The following VAX1 variants were observed in gnomAD, a reference collection of about 807,000 sequenced individuals.
VAX1 encodes ventral anterior homeobox 1.
Under a neutral mutation model 17.6 loss-of-function variants are expected in VAX1, and 6 were observed. That is an observed-to-expected ratio of 0.34 (90% CI 0.19 to 0.67). The LOEUF is 0.67. VAX1 is among the 30% of genes least tolerant of loss of function. The pLI is 0.69. For missense variants in VAX1, 408 were observed against 463.7 expected (o/e 0.88, Z 1.10); for synonymous variants, 256 against 227.4 (o/e 1.13, Z -1.13).
In VAX1 at chr10:117,137,767, C is replaced by G; in HGVS notation, c.241+49G>C. 1 of 1,607,388 alleles carries G rather than the reference C, an allele frequency of 6.2e-7. No homozygotes were observed. Among genetic ancestry groups the G allele is most frequent in the Non-Finnish European group, 8.5e-7 (1 of 1,179,544 alleles). On this transcript the variant is annotated intron_variant, in intron 1 of 2. Transcript: ENST00000369206. The surrounding 1 kb of genome is among the most constrained non-coding windows in gnomAD (Gnocchi z 7.4). ...GTCGGCGGCAGCGCGCAGCTCCGGC[C>G]CCGGAGTCGACCCCAAAGAACGCGC...
In VAX1 at chr10:117,133,841, C is replaced by T. The variant is rs903057426; in HGVS notation, c.*167G>A. ...AAAGGTAGTAGAAAAAAAAAATAGC[C>T]CGAATGAGATGAAATTGGTAGCAGA... On this transcript the variant is annotated 3_prime_UTR_variant, in exon 3 of 3. Coordinates refer to ENST00000369206, the MANE Select transcript of VAX1 (RefSeq NM_001112704.2). The T allele has an allele frequency of 1.4e-5, 19 of 1,332,028 alleles. No homozygotes were observed. In the South Asian group the frequency reaches 2.2e-4, roughly 15 times the overall value. The allele number at this position is 1,332,028 out of a possible 1,614,324, so 82.5% of individuals were successfully genotyped here. A position where few individuals can be genotyped will look rare whatever the true frequency, so the allele number is the denominator to read the frequency against.
At chr10:117,133,088 G>A (rs1006956979), downstream of VAX1, among the ~76,000 whole-genome samples, 5 of 152,204 alleles carry the variant, frequency 3.3e-5, no homozygotes, top group Admixed American at 3.3e-4. Context: ...GCCCCGAACA[G>A]GCTCGGAGAA....
chr10:117,132,102 G>A (rs996644330), downstream of VAX1: 2 of 1,174,356 alleles, frequency 1.7e-6, no homozygotes, highest in African/African-American at 1.6e-5. The surrounding 1 kb of genome is among the most constrained non-coding windows in gnomAD (Gnocchi z 4.9). Flanking sequence ...AAACACTCAA[G>A]GAAGTGGAAC....
rs780407103 is a variant in VAX1, at chr10:117,136,699, C to G, written c.242-40G>C. On this transcript the variant is annotated intron_variant, in intron 1 of 2. Transcript: ENST00000369206. This position sits in a 1 kb window ranked among gnomAD's most constrained non-coding sequence, Gnocchi z 5.0. ...ATGTCAGCCGCCAGAACCCTCCCGT[C>G]CCCCTCCACCTCCTTGGCCCGAGCT... is the stretch of plus-strand genomic sequence containing the variant. 1.1e-5 allele frequency: 18 copies of G among 1,583,026 alleles called. No individual in the cohort carries two copies. The African/African-American group carries it at 2.0e-4, about 18-fold the overall frequency.
In VAX1 at chr10:117,137,772, A is replaced by G; in HGVS notation, c.241+44T>C. The G allele has an allele frequency of 6.2e-7, 1 of 1,607,666 alleles. No individual in the cohort carries two copies. The highest frequency in any genetic ancestry group is 8.5e-7 in the Non-Finnish European group (1 of 1,179,404). On this transcript the variant is annotated intron_variant, in intron 1 of 2. Coordinates refer to ENST00000369206, the MANE Select transcript of VAX1 (RefSeq NM_001112704.2). This position sits in a 1 kb window ranked among gnomAD's most constrained non-coding sequence, Gnocchi z 7.4. ...CGGCAGCGCGCAGCTCCGGCCCCGG[A>G]GTCGACCCCAAAGAACGCGCCTGGC...
At chr10:117,128,829 G>A (rs1854048484), downstream of VAX1, 4 of 152,184 alleles carry the variant, frequency 2.6e-5, no homozygotes, top group Admixed American at 2.0e-4. Context: ...CAAACCTGAA[G>A]GGCTCTCCTC....
chr10:117,134,313 G>A lies in VAX1; in HGVS notation c.700C>T (p.Pro234Ser). ...GGGGATGCAGCGCCCGCTGGGCCCGGGGCGGCGGCGGCGGCTGCGGCGGCC... is the reference window on the plus strand; with the variant it reads ...GGGGATGCAGCGCCCGCTGGGCCCGAGGCGGCGGCGGCGGCTGCGGCGGCC... ...GSAAAAAAAA[P>S]GPAGAASPHP... Residue 234 changes from proline to serine, a missense_variant, in exon 3 of 3, where the codon CCG (proline) becomes TCG (serine). Transcript: ENST00000369206. This position sits in a 1 kb window ranked among gnomAD's most constrained non-coding sequence, Gnocchi z 6.2. 1 of 1,071,514 alleles carries A rather than the reference G, an allele frequency of 9.3e-7. No individual in the cohort carries two copies. The highest frequency in any genetic ancestry group is 1.1e-6 in the Non-Finnish European group (1 of 887,634). 66.4% of individuals were successfully genotyped at this position (1,071,514 alleles called of 1,614,324 possible).
downstream of VAX1, chr10:117,130,369 T>C (rs1298681516): frequency 6.6e-6 from 1 of 152,400 alleles, no homozygotes; most frequent in East Asian, 1.9e-4. Flanking sequence ...GCTCTCCAAG[T>C]GACTTCCCAC....
chr10:117,136,572 T>C lies in VAX1; in HGVS notation c.329A>G (p.Glu110Gly). ...CTCCATCTCCAGCCGATAGAGCTGC[T>C]CCGCGGTGAAGGACGTGCGCGTCCT... ...PKRTRTSFTA[E>G]QLYRLEMEFQ... is the part of the protein sequence containing the mutation. The change falls in exon 2 of 3, where the codon GAG becomes GGG. Residue 110 changes from glutamate (E) to glycine (G), a missense_variant. Around this residue, in one of 4 missense-constraint regions of VAX1, gnomAD observed 75 missense variants for 116.1 expected, o/e 0.65. Transcript: ENST00000369206. The surrounding 1 kb of genome is among the most constrained non-coding windows in gnomAD (Gnocchi z 5.0). 1 of 1,613,824 alleles carries C rather than the reference T, an allele frequency of 6.2e-7. No individual in the cohort carries two copies. The highest frequency in any genetic ancestry group is 8.5e-7 in the Non-Finnish European group (1 of 1,180,018).
At chr10:117,131,186 TGGA>T (rs1854078300), downstream of VAX1, 1 of 150,764 alleles carries the variant, frequency 6.6e-6, no homozygotes, top group Non-Finnish European at 1.5e-5. Context: ...GAAGAAGTAA[TGGA>T]GGAGGGAGAC....
chr10:117,132,117 C>A (rs1434395468), downstream of VAX1: 6 of 1,318,838 alleles, frequency 4.5e-6, no homozygotes, highest in African/African-American at 7.4e-5. The surrounding 1 kb of genome is among the most constrained non-coding windows in gnomAD (Gnocchi z 4.9). Context: ...TGGAACAAAT[C>A]GTCGTAGCCA....
At chr10:117,131,962 C>A (rs961478376), downstream of VAX1, 2 of 448,144 alleles carry the variant, frequency 4.5e-6, no homozygotes, top group Non-Finnish European at 7.8e-6. Flanking sequence ...AGAAACCTAG[C>A]ATTAGGAGGC....
In VAX1 at chr10:117,134,290, G is replaced by T; in HGVS notation, c.723C>A (p.Ser241=). ...CACCGCCCACAGCCGGCGGGTGCGG[G>T]GATGCAGCGCCCGCTGGGCCCGGGG... is the stretch of plus-strand genomic sequence containing the variant. ...AAAPGPAGAA[S]PHPPAVGGAP... The change falls in exon 3 of 3, where the codon TCC becomes TCA. Residue 241 remains serine, a synonymous_variant. Transcript: ENST00000369206. The surrounding 1 kb of genome is among the most constrained non-coding windows in gnomAD (Gnocchi z 6.2). 8.4e-7 allele frequency: 1 copy of T among 1,196,452 alleles called. No homozygotes were observed. The highest frequency in any genetic ancestry group is 1.6e-5 in the African/African-American group (1 of 62,706). The allele number at this position is 1,196,452 out of a possible 1,614,324, so 74.1% of individuals were successfully genotyped here.
chr10:117,134,291 G>A lies in VAX1; in HGVS notation c.722C>T (p.Ser241Phe). 4.2e-6 allele frequency: 5 copies of A among 1,194,066 alleles called. No homozygotes were observed. Among genetic ancestry groups the A allele is most frequent in the Non-Finnish European group, 5.2e-6 (5 of 965,080 alleles). The allele number at this position is 1,194,066 out of a possible 1,614,324, so 74.0% of individuals were successfully genotyped here. A position where few individuals can be genotyped will look rare whatever the true frequency, so the allele number is the denominator to read the frequency against. Residue 241 changes from serine (S) to phenylalanine (F), a missense_variant, in exon 3 of 3, where the codon TCC becomes TTC. Coordinates refer to ENST00000369206, the MANE Select transcript of VAX1 (RefSeq NM_001112704.2). The surrounding 1 kb of genome is among the most constrained non-coding windows in gnomAD (Gnocchi z 6.2). ...ACCGCCCACAGCCGGCGGGTGCGGG[G>A]ATGCAGCGCCCGCTGGGCCCGGGGC... is the stretch of plus-strand genomic sequence containing the variant. The part of the protein sequence containing the change: ...AAAPGPAGAA[S>F]PHPPAVGGAP...
rs765382464 is a variant in VAX1, at chr10:117,133,409, A to G, written c.*599T>C. 8.8e-5 allele frequency: 87 copies of G among 985,366 alleles called. No homozygotes were observed. Among genetic ancestry groups the G allele is most frequent in the Non-Finnish European group, 1.0e-4 (85 of 830,046 alleles). The allele number at this position is 985,366 out of a possible 1,614,324, so 61.0% of individuals were successfully genotyped here. A position where few individuals can be genotyped will look rare whatever the true frequency, so the allele number is the denominator to read the frequency against. On this transcript the variant is annotated 3_prime_UTR_variant, in exon 3 of 3. Coordinates refer to ENST00000369206, the MANE Select transcript of VAX1 (RefSeq NM_001112704.2). The stretch of plus-strand genomic sequence containing the variant: ...GGGTGGTTGTGATTGGAGTTGCCCT[A>G]AAGGGGAGAAAAACCGCAGGATTTG...
At position 117,134,180 on chromosome 10, in the gene VAX1, G is replaced by T. The variant is rs1203315887; in HGVS notation, c.833C>A (p.Pro278His). The change falls in exon 3 of 3, where the codon CCC becomes CAC. Residue 278 changes from proline (P) to histidine (H), a missense_variant. This residue lies in a region of VAX1 where 196 missense variants were observed against 218.7 expected (regional missense o/e 0.90). Coordinates refer to ENST00000369206, the MANE Select transcript of VAX1 (RefSeq NM_001112704.2). The surrounding 1 kb of genome is among the most constrained non-coding windows in gnomAD (Gnocchi z 6.2). ...AGHSLFSLPV[P>H]SLLGSVASRL... Reference sequence around the variant, plus strand: ...GCTGGCGACGGAGCCGAGCAGCGAGGGCACCGGCAGGCTGAAGAGGCTGTG... The same window carrying T: ...GCTGGCGACGGAGCCGAGCAGCGAGTGCACCGGCAGGCTGAAGAGGCTGTG... The T allele has an allele frequency of 6.6e-6, 10 of 1,519,182 alleles. No homozygotes were observed. The East Asian group carries it at 1.4e-4, about 21-fold the overall frequency. The allele number at this position is 1,519,182 out of a possible 1,614,324, so 94.1% of individuals were successfully genotyped here. A position where few individuals can be genotyped will look rare whatever the true frequency, so the allele number is the denominator to read the frequency against.
chr10:117,137,966 C>T lies in VAX1; in HGVS notation c.91G>A (p.Glu31Lys), dbSNP rs766031425. The change falls in exon 1 of 3, where the codon GAG becomes AAG. Residue 31 changes from glutamate to lysine, a missense_variant. Transcript: ENST00000369206. The surrounding 1 kb of genome is among the most constrained non-coding windows in gnomAD (Gnocchi z 7.4). ...AGGTTCCCCTCCGCGCCCTTGCTCT[C>T]CCGACTCTCCTTGTGCGCGTTCTTC... is the stretch of plus-strand genomic sequence containing the variant. Reference protein sequence around the residue: ...VSKNAHKESRESKGAEGNLPA... With the variant: ...VSKNAHKESRKSKGAEGNLPA... 3.1e-6 allele frequency: 5 copies of T among 1,613,832 alleles called. No individual in the cohort carries two copies. Among genetic ancestry groups the T allele is most frequent in the African/African-American group, 2.7e-5 (2 of 75,054 alleles).
chr10:117,135,422 G>C (rs1801072802), intron 2 of VAX1, among the ~76,000 whole-genome samples: 1 of 152,148 alleles, frequency 6.6e-6, no homozygotes. Flanking sequence ...CCCTCTGCAG[G>C]CCTAGCAGTG....
downstream of VAX1, chr10:117,130,481 G>C (rs906399594): frequency 2.6e-5 from 4 of 151,866 alleles, no homozygotes; most frequent in African/African-American, 7.3e-5. Flanking sequence ...CTTTGTGCAG[G>C]CCTGAGCATC....
Sources: allele counts gnomAD v4.1 joint callset (sites outside exome capture counted in the v4.1 genomes callset), GRCh38; gene constraint gnomAD v4.1.1; regional missense constraint gnomAD v4.1.1; non-coding constraint Gnocchi (gnomAD v3.1); transcripts MANE v1.5; gene names NCBI Gene and HGNC (gene_info 2026-07-23, HGNC 2026-07-21).